The following MALRD1 variants were observed in gnomAD, a reference collection of about 807,000 sequenced individuals.
MALRD1 encodes MAM and LDL receptor class A domain containing 1.
A neutral mutation model predicts 242.1 loss-of-function variants in MALRD1; 247 were observed. That is an observed-to-expected ratio of 1.02 (90% CI 0.92 to 1.13). The LOEUF (loss-of-function observed/expected upper bound fraction) is 1.13. MALRD1 is among the 50% of genes most tolerant of loss of function. MALRD1 has a pLI of 0.00. For missense variants in MALRD1, 2,989 were observed against 2,533.1 expected (o/e 1.18, Z -3.86); for synonymous variants, 995 against 866.6 (o/e 1.15, Z -2.60).
At chr10:19,183,922 T>C (rs956669510) in intron 14 of MALRD1, among the ~76,000 whole-genome samples, 1 of 152,206 alleles carries the variant, frequency 6.6e-6, no homozygotes, top group Non-Finnish European at 1.5e-5. Context: ...TCTCTCTCTC[T>C]GCCAGTTAAA....
intron 35 of MALRD1, among the ~76,000 whole-genome samples, chr10:19,609,307 T>G (rs1239275382): frequency 6.6e-6 from 1 of 152,008 alleles, no homozygotes; most frequent in African/African-American, 2.4e-5. Context: ...TGAAATACAG[T>G]TTTCAGAAAT....
chr10:19,115,528 CCAA>C (rs1403260251), intron 5 of MALRD1, among the ~76,000 whole-genome samples: 1 of 151,594 alleles, frequency 6.6e-6, no homozygotes, highest in African/African-American at 2.4e-5. Flanking sequence ...AATGAAATGA[CCAA>C]CTTTTAAAGT....
intron 32 of MALRD1, among the ~76,000 whole-genome samples, chr10:19,555,070 T>C (rs764421732): frequency 5.9e-5 from 9 of 152,148 alleles, no homozygotes; most frequent in Non-Finnish European, 1.3e-4. Flanking sequence ...TCTCGACATT[T>C]TAATAATCGC....
At chr10:19,211,349 C>T (rs1197704569) in intron 18 of MALRD1, among the ~76,000 whole-genome samples, 3 of 151,726 alleles carry the variant, frequency 2.0e-5, no homozygotes, top group African/African-American at 2.4e-5. Flanking sequence ...GATTCAGGCC[C>T]GAAAAGATGA....
chr10:19,189,818 A>G (rs374918880), intron 14 of MALRD1, among the ~76,000 whole-genome samples: 7 of 152,136 alleles, frequency 4.6e-5, no homozygotes, highest in Admixed American at 1.3e-4. Flanking sequence ...CCACCTCAAC[A>G]TAATAAAAGC....
chr10:19,167,972 A>G (rs1834771174), intron 13 of MALRD1, among the ~76,000 whole-genome samples: 1 of 152,224 alleles, frequency 6.6e-6, no homozygotes, highest in Non-Finnish European at 1.5e-5. Context: ...ACATGGAAGC[A>G]AATCTGGCAC....
rs7092892 is a variant in MALRD1, at chr10:19,208,487, C to T, written c.2579-781C>T. On this transcript the variant is annotated intron_variant, in intron 17 of 39. Coordinates refer to ENST00000454679, the MANE Select transcript of MALRD1 (RefSeq NM_001142308.3). ...GAGCATACATGAAAGAATCTGGATT[C>T]GAGAAGGAAGTGGTAATACTGCCAT... Among the ~76,000 whole-genome samples the T allele has an allele frequency of 5.9e-3, 900 of 152,094 alleles. 10 individuals are homozygous for T. The highest frequency in any genetic ancestry group is 0.021 in the African/African-American group (853 of 41,500).
At chr10:19,152,938 A>G (rs930699221) in intron 11 of MALRD1, among the ~76,000 whole-genome samples, 6 of 152,148 alleles carry the variant, frequency 3.9e-5, no homozygotes, top group Non-Finnish European at 8.8e-5. Context: ...ATTTTAATTA[A>G]TATTGTTTTA....
At chr10:19,197,747 T>C (rs1836327819) in intron 14 of MALRD1, among the ~76,000 whole-genome samples, 1 of 152,222 alleles carries the variant, frequency 6.6e-6, no homozygotes, top group South Asian at 2.1e-4. Context: ...CTTCCTTATT[T>C]TATTTTTTAT....
chr10:19,502,233 T>C (rs569919129), intron 31 of MALRD1, among the ~76,000 whole-genome samples: 1 of 152,054 alleles, frequency 6.6e-6, no homozygotes, highest in Admixed American at 6.5e-5. Context: ...AATTTTACAT[T>C]ACTAAATAAT....
intron 28 of MALRD1, among the ~76,000 whole-genome samples, chr10:19,413,965 C>CA (rs61376344): frequency 0.35 from 47,268 of 133,542 alleles, 8,583 homozygotes; most frequent in East Asian, 0.47. Flanking sequence ...AAACAAAAAC[C>CA]AAAAAAAAAA....
At chr10:19,126,750 T>C (rs1184485544) in intron 7 of MALRD1, among the ~76,000 whole-genome samples, 2 of 152,006 alleles carry the variant, frequency 1.3e-5, no homozygotes, top group African/African-American at 2.4e-5. Flanking sequence ...AATATTATTA[T>C]TATGGTTATT....
At chr10:19,281,633 G>A (rs189148743) in intron 20 of MALRD1, among the ~76,000 whole-genome samples, 10 of 152,236 alleles carry the variant, frequency 6.6e-5, no homozygotes, top group African/African-American at 1.4e-4. Context: ...AAATCTGCTT[G>A]TAAACTATAC....
intron 36 of MALRD1, among the ~76,000 whole-genome samples, chr10:19,626,626 A>C (rs1564495159): frequency 6.6e-6 from 1 of 152,044 alleles, no homozygotes; most frequent in Non-Finnish European, 1.5e-5. Flanking sequence ...CAATTATTAT[A>C]ATATATAGAG....
intron 33 of MALRD1, among the ~76,000 whole-genome samples, chr10:19,572,326 A>G (rs781510337): frequency 2.6e-5 from 4 of 152,304 alleles, no homozygotes; most frequent in Non-Finnish European, 5.9e-5. Flanking sequence ...TACTTCTATC[A>G]TTTGAAACAA....
intron 14 of MALRD1, among the ~76,000 whole-genome samples, chr10:19,190,051 A>G (rs1446694397): frequency 6.6e-6 from 1 of 152,122 alleles, no homozygotes; most frequent in African/African-American, 2.4e-5. Context: ...AAGAATTTTT[A>G]TATGTAAATA....
intron 33 of MALRD1, among the ~76,000 whole-genome samples, chr10:19,592,577 A>G (rs1379802213): frequency 6.6e-6 from 1 of 152,210 alleles, no homozygotes; most frequent in South Asian, 2.1e-4. Flanking sequence ...TATACGCAGG[A>G]CAAGCCCAAT....
chr10:19,140,764 G>A (rs551363312), intron 10 of MALRD1, among the ~76,000 whole-genome samples: 12 of 152,234 alleles, frequency 7.9e-5, no homozygotes, highest in Admixed American at 3.3e-4. Context: ...ACAGAGAGTA[G>A]AATGGCAGTT....
chr10:19,050,559 T>C (rs996369322), intron 1 of MALRD1, among the ~76,000 whole-genome samples: 29 of 152,186 alleles, frequency 1.9e-4, no homozygotes, highest in Admixed American at 1.4e-3. Context: ...TTTTTCTCTG[T>C]AGAATGAAAC....
Sources: allele counts gnomAD v4.1 joint callset (sites outside exome capture counted in the v4.1 genomes callset), GRCh38; gene constraint gnomAD v4.1.1; transcripts MANE v1.5; gene names NCBI Gene and HGNC (gene_info 2026-07-23, HGNC 2026-07-21).